Variants in PUS1 observed in about 807,000 individuals in gnomAD.
The protein encoded by PUS1 is pseudouridylate synthase 1 homolog.
PUS1 carries 25 observed loss-of-function variants against 38.5 expected under a neutral mutation model. That is an observed-to-expected ratio of 0.65 (90% CI 0.47 to 0.91). PUS1 has a LOEUF of 0.91. Among genes scored for constraint, PUS1 ranks in the 40% least tolerant of loss-of-function variants. The pLI, the probability that PUS1 is intolerant of heterozygous loss-of-function variation, is 0.00. For missense variants in PUS1, 597 were observed against 612.3 expected, an observed-to-expected ratio of 0.97 and a Z score of 0.26; for synonymous variants, 282 against 260.4, an observed-to-expected ratio of 1.08 and a Z score of -0.80.
rs146929071 is a variant in PUS1, at chr12:131,932,305, C to A, written c.434C>A (p.Thr145Lys). 2 of 1,613,346 alleles carry A rather than the reference C, an allele frequency of 1.2e-6. No individual in the cohort carries two copies. The highest frequency in any genetic ancestry group is 2.2e-5 in the East Asian group (1 of 44,906). ...ATGTCCTTCCAGCGCTGCGCCCGGA[C>A]AGACAAGGTGGGTGGTGGCCTTCTC... ...RKMSFQRCAR[T>K]DKGVSAAGQV... The change falls in exon 3 of 6, where the codon ACA becomes AAA. Residue 145 changes from threonine to lysine, a missense_variant. Coordinates refer to ENST00000376649, the MANE Select transcript of PUS1 (RefSeq NM_025215.6).
rs982402849 is a variant in PUS1 at position 131,943,709 on chromosome 12, G to A, written c.*123G>A. ...GCCATGTTTTCCCGGCCATGCCGGC[G>A]TTGTAACCTCAGGACCTTCCCTTGT... On this transcript the variant is annotated 3_prime_UTR_variant, in exon 6 of 6. Coordinates refer to ENST00000376649, the MANE Select transcript of PUS1 (RefSeq NM_025215.6). The A allele has an allele frequency of 2.4e-5, 20 of 825,076 alleles. No individual in the cohort carries two copies. The highest frequency in any genetic ancestry group is 8.4e-5 in the African/African-American group (5 of 59,852). 51.1% of individuals were successfully genotyped at this position (825,076 alleles called of 1,614,324 possible).
chr12:131,930,005 T>G lies in PUS1; in HGVS notation c.173T>G (p.Val58Gly). ...AGCGGCCGGGCCGGGGGCGACCGCGTCTGGGAGGACGGAGAACATCCGGCG... is the reference window on the plus strand; with the variant it reads ...AGCGGCCGGGCCGGGGGCGACCGCGGCTGGGAGGACGGAGAACATCCGGCG... ...SCSGRAGGDR[V>G]WEDGEHPAKK... Residue 58 changes from valine to glycine, a missense_variant, in exon 2 of 6, where the codon GTC (valine) becomes GGC (glycine). Val to Gly is a moderately radical substitution (Grantham distance 109). Transcript: ENST00000376649. 1 of 1,481,210 alleles carries G rather than the reference T, an allele frequency of 6.8e-7. No individual in the cohort carries two copies. Among genetic ancestry groups the G allele is most frequent in the Non-Finnish European group, 8.9e-7 (1 of 1,124,456 alleles). 91.8% of individuals were successfully genotyped at this position (1,481,210 alleles called of 1,614,324 possible).
At position 131,941,098 on chromosome 12, in the gene PUS1, C is replaced by T; in HGVS notation, c.545-194C>T. On this transcript the variant is annotated intron_variant, in intron 4 of 5. Coordinates refer to ENST00000376649, the MANE Select transcript of PUS1 (RefSeq NM_025215.6). This position sits in a 1 kb window ranked among gnomAD's most constrained non-coding sequence, Gnocchi z 4.4. ...CACCTTATAGAGCACTGCACCTGTC[C>T]CTCCTGTCCATCGTCCTCCTGTGCC... 1 of 607,020 alleles carries T rather than the reference C, an allele frequency of 1.6e-6. No homozygotes were observed. Among genetic ancestry groups the T allele is most frequent in the South Asian group, 1.9e-5 (1 of 51,816 alleles). The allele number at this position is 607,020 out of a possible 1,614,324, so 37.6% of individuals were successfully genotyped here.
chr12:131,939,094 C>T lies in PUS1; in HGVS notation c.442-79C>T, dbSNP rs1258987994. 2.8e-5 allele frequency: 25 copies of T among 901,012 alleles called. 1 individual carries two copies. The East Asian group carries it at 2.9e-4, about 10-fold the overall frequency. The allele number at this position is 901,012 out of a possible 1,614,324, so 55.8% of individuals were successfully genotyped here. On this transcript the variant is annotated intron_variant, in intron 3 of 5. Transcript: ENST00000376649. ...CATGTGTGAAATGACGTAAGGTCCGCGTAGTCCTTCTTTCTCAGAGACCAG... is the reference window on the plus strand; with the variant it reads ...CATGTGTGAAATGACGTAAGGTCCGTGTAGTCCTTCTTTCTCAGAGACCAG...
chr12:131,931,892 T>G, intron 2 of PUS1: 1 of 600,038 alleles, frequency 1.7e-6, no homozygotes, highest in Admixed American at 2.9e-5. Flanking sequence ...CGGCACTGAT[T>G]TTGTAACTGA....
At position 131,945,178 on chromosome 12, in the gene PUS1, T is replaced by C. The variant is rs373828485; in HGVS notation, c.*1592T>C. On this transcript the variant is annotated 3_prime_UTR_variant, in exon 6 of 6. Transcript: ENST00000376649. ...CGTGAGTGACATGTGCACGTGCCCA[T>C]GATGCGGTGGACACCGTGTGTGAGA... The C allele has an allele frequency of 1.3e-5, 2 of 152,416 alleles. No individual in the cohort carries two copies. Among genetic ancestry groups the C allele is most frequent in the East Asian group, 1.9e-4 (1 of 5,200 alleles). The allele number at this position is 152,416 out of a possible 1,614,324, so 9.4% of individuals were successfully genotyped here.
intron 5 of PUS1, among the ~76,000 whole-genome samples, chr12:131,943,057 C>T (rs919263479): frequency 6.6e-6 from 1 of 152,214 alleles, no homozygotes; most frequent in African/African-American, 2.4e-5. Flanking sequence ...TGACCGTATG[C>T]TTAAATGTTA....
chr12:131,941,119 G>C lies in PUS1; in HGVS notation c.545-173G>C. 1 of 637,936 alleles carries C rather than the reference G, an allele frequency of 1.6e-6. No individual in the cohort carries two copies. The allele number at this position is 637,936 out of a possible 1,614,324, so 39.5% of individuals were successfully genotyped here. ...TGTCCCTCCTGTCCATCGTCCTCCTGTGCCTGTTCCCCAGCCTGTGGCTGC... is the reference window on the plus strand; with the variant it reads ...TGTCCCTCCTGTCCATCGTCCTCCTCTGCCTGTTCCCCAGCCTGTGGCTGC... On this transcript the variant is annotated intron_variant, in intron 4 of 5. Coordinates refer to ENST00000376649, the MANE Select transcript of PUS1 (RefSeq NM_025215.6). This position sits in a 1 kb window ranked among gnomAD's most constrained non-coding sequence, Gnocchi z 4.4.
intron 4 of PUS1, among the ~76,000 whole-genome samples, chr12:131,940,739 G>A (rs1194536738): frequency 6.6e-6 from 1 of 151,992 alleles, no homozygotes; most frequent in African/African-American, 2.4e-5. Flanking sequence ...ACGCCACCAC[G>A]CCCAGCTAAT....
rs1322152785 is a variant in PUS1, at chr12:131,941,908, G to A, written c.1161G>A (p.Met387Ile). ...IIGTERDERS[M>I]AQWLSTLPIH... is the part of the protein sequence containing the mutation. Reference sequence around the variant, plus strand: ...GCACCGAGCGGGACGAACGCTCCATGGCCCAGTGGCTGAGCACCTTGCCCA... The same window carrying A: ...GCACCGAGCGGGACGAACGCTCCATAGCCCAGTGGCTGAGCACCTTGCCCA... The change falls in exon 5 of 6, where the codon ATG (methionine) becomes ATA (isoleucine). Residue 387 changes from methionine (M) to isoleucine (I), a missense_variant. Physicochemically the swap from Met to Ile is conservative, Grantham distance 10. Transcript: ENST00000376649. The surrounding 1 kb of genome is among the most constrained non-coding windows in gnomAD (Gnocchi z 4.4). The A allele has an allele frequency of 1.2e-6, 2 of 1,613,166 alleles. No individual in the cohort carries two copies. The highest frequency in any genetic ancestry group is 1.3e-5 in the African/African-American group (1 of 74,912).
chr12:131,941,307 C>T lies in PUS1; in HGVS notation c.560C>T (p.Thr187Met), dbSNP rs1891052528. ...TCCCCCCTAGGACTGAAGCGGGTCA[C>T]GGGCGGGTTTAACTCCAAGAACAGA... Reference protein sequence around the residue: ...HIRILGLKRVTGGFNSKNRCD... With the variant: ...HIRILGLKRVMGGFNSKNRCD... The change falls in exon 5 of 6, where the codon ACG (threonine) becomes ATG (methionine). Residue 187 changes from threonine to methionine, a missense_variant. Coordinates refer to ENST00000376649, the MANE Select transcript of PUS1 (RefSeq NM_025215.6). The surrounding 1 kb of genome is among the most constrained non-coding windows in gnomAD (Gnocchi z 4.4). 6.8e-6 allele frequency: 11 copies of T among 1,614,030 alleles called. No homozygotes were observed. The highest frequency in any genetic ancestry group is 4.5e-5 in the East Asian group (2 of 44,886).
At chr12:131,932,569 G>A (rs1255344350) in intron 3 of PUS1, 7 of 577,068 alleles carry the variant, frequency 1.2e-5, no homozygotes, top group Non-Finnish European at 2.2e-5. Flanking sequence ...TGTTCTCAGG[G>A]ACACACATTC....
Position 131,941,233 on chromosome 12 carries a change from C to G in PUS1, c.545-59C>G, listed in dbSNP as rs2136443104. The G allele has an allele frequency of 6.8e-7, 1 of 1,471,878 alleles. No individual in the cohort carries two copies. Among genetic ancestry groups the G allele is most frequent in the Non-Finnish European group, 9.5e-7 (1 of 1,056,188 alleles). 91.2% of individuals were successfully genotyped at this position (1,471,878 alleles called of 1,614,324 possible). A position where few individuals can be genotyped will look rare whatever the true frequency, so the allele number is the denominator to read the frequency against. Reference sequence around the variant, plus strand: ...GGGCTCACGCCGTGCTCAGGCTGCTCCCTGGTCATCCAGGCACTTCTCACC... The same window carrying G: ...GGGCTCACGCCGTGCTCAGGCTGCTGCCTGGTCATCCAGGCACTTCTCACC... On this transcript the variant is annotated intron_variant, in intron 4 of 5. Coordinates refer to ENST00000376649, the MANE Select transcript of PUS1 (RefSeq NM_025215.6). The surrounding 1 kb of genome is among the most constrained non-coding windows in gnomAD (Gnocchi z 4.4).
chr12:131,943,779 A>G lies in PUS1; in HGVS notation c.*193A>G, dbSNP rs1891189078. 2 of 596,928 alleles carry G rather than the reference A, an allele frequency of 3.4e-6. No individual in the cohort carries two copies. The highest frequency in any genetic ancestry group is 2.9e-5 in the Admixed American group (1 of 35,062). The allele number at this position is 596,928 out of a possible 1,614,324, so 37.0% of individuals were successfully genotyped here. On this transcript the variant is annotated 3_prime_UTR_variant, in exon 6 of 6. Coordinates refer to ENST00000376649, the MANE Select transcript of PUS1 (RefSeq NM_025215.6). ...TCTGTTTTCAGCTCTTGCATTGCAT[A>G]GATGAACCTCAGCATGTAAAGAACT... is the stretch of plus-strand genomic sequence containing the variant.
At chr12:131,938,153 G>A (rs755191340) in intron 3 of PUS1, among the ~76,000 whole-genome samples, 3 of 151,968 alleles carry the variant, frequency 2.0e-5, no homozygotes, top group South Asian at 2.1e-4. Context: ...AATCGAAAAC[G>A]ATCTCCTTGG....
chr12:131,930,520 G>A (rs1227767752), intron 2 of PUS1, among the ~76,000 whole-genome samples: 7 of 152,240 alleles, frequency 4.6e-5, no homozygotes, highest in Non-Finnish European at 7.3e-5. Context: ...GCTGTCGTGA[G>A]CGTTAAGGGG....
At chr12:131,938,641 C>A (rs1001865936) in intron 3 of PUS1, among the ~76,000 whole-genome samples, 1 of 152,044 alleles carries the variant, frequency 6.6e-6, no homozygotes, top group African/African-American at 2.4e-5. Flanking sequence ...AGGTGGGGAC[C>A]CCTTCCTCAC....
Position 131,929,898 on chromosome 12 carries a change from TCTC to T in PUS1, c.75-7_75-5del, listed in dbSNP as rs1890509489. ...AGCGGGCCCCCGCTCACGCCGCCCT[TCTC>T]CGCAGCTCGCCGCGCATGGCCGGGA... On this transcript the variant is annotated splice_region_variant and splice_polypyrimidine_tract_variant and intron_variant, in intron 1 of 5. Transcript: ENST00000376649. 1.4e-6 allele frequency: 2 copies of T among 1,412,902 alleles called. No homozygotes were observed. The highest frequency in any genetic ancestry group is 6.6e-5 in the East Asian group (2 of 30,408). The allele number at this position is 1,412,902 out of a possible 1,614,324, so 87.5% of individuals were successfully genotyped here.
At position 131,945,875 on chromosome 12, in the gene PUS1, TAAA is replaced by T; in HGVS notation, c.*2293_*2295del. On this transcript the variant is annotated 3_prime_UTR_variant, in exon 6 of 6. Coordinates refer to ENST00000376649, the MANE Select transcript of PUS1 (RefSeq NM_025215.6). ...AATAATATGTATATATGGAAGGAAA[TAAA>T]AAACTATAAAAAAGGGAAGTTGCCT... is the stretch of plus-strand genomic sequence containing the variant. The T allele has an allele frequency of 6.6e-6, 1 of 152,224 alleles. No individual in the cohort carries two copies. The highest frequency in any genetic ancestry group is 1.9e-4 in the East Asian group (1 of 5,176). The allele number at this position is 152,224 out of a possible 1,614,324, so 9.4% of individuals were successfully genotyped here. A position where few individuals can be genotyped will look rare whatever the true frequency, so the allele number is the denominator to read the frequency against.
Sources: gnomAD v4.1 joint callset for allele counts (sites outside exome capture counted in the v4.1 genomes callset) on GRCh38, gnomAD v4.1.1 for gene constraint, Gnocchi (gnomAD v3.1) non-coding constraint, MANE v1.5 for transcripts, NCBI Gene and HGNC (gene_info 2026-07-23, HGNC 2026-07-21) for gene names.